The following ARHGAP15 variants were observed in gnomAD, a reference collection of about 807,000 sequenced individuals.
The protein encoded by ARHGAP15 is rho GTPase-activating protein 15.
ARHGAP15 carries 51 observed loss-of-function variants against 63.7 expected under a neutral mutation model. The observed-to-expected ratio is 0.80, with a 90% confidence interval of 0.64 to 1.01. ARHGAP15 has a LOEUF of 1.01. ARHGAP15 is among the 50% of genes least tolerant of loss of function. The pLI is 0.00. For synonymous variants in ARHGAP15, 191 were observed against 193.8 expected (o/e 0.99, Z 0.12); for missense variants, 560 against 564.6 (o/e 0.99, Z 0.08).
chr2:143,752,067 C>T (rs547390831), intron 13 of ARHGAP15, among the ~76,000 whole-genome samples: 7 of 152,294 alleles, frequency 4.6e-5, no homozygotes, highest in South Asian at 2.1e-4. Context: ...TATGTTCTAG[C>T]GACCATCTCA....
intron 6 of ARHGAP15, among the ~76,000 whole-genome samples, chr2:143,269,016 C>T (rs1316954518): frequency 2.6e-5 from 4 of 152,034 alleles, no homozygotes; most frequent in East Asian, 1.9e-4. Context: ...TTGTTTAAAA[C>T]GCTGTGTGTT....
chr2:143,710,290 A>G (rs1325498300), intron 13 of ARHGAP15, among the ~76,000 whole-genome samples: 1 of 152,088 alleles, frequency 6.6e-6, no homozygotes, highest in East Asian at 1.9e-4. Context: ...TGTACTTCCT[A>G]TGGGCCTGAA....
intron 2 of ARHGAP15, among the ~76,000 whole-genome samples, chr2:143,159,655 C>A: frequency 6.6e-6 from 1 of 151,894 alleles, no homozygotes; most frequent in Non-Finnish European, 1.5e-5. Flanking sequence ...TATGTGAAAA[C>A]CATTGATCAG....
intron 13 of ARHGAP15, among the ~76,000 whole-genome samples, chr2:143,748,251 T>A (rs2105520859): frequency 6.6e-6 from 1 of 152,336 alleles, no homozygotes; most frequent in African/African-American, 2.4e-5. Flanking sequence ...CTGTTAATTA[T>A]GTCCAAAAAG....
At chr2:143,401,041 T>C (rs1328263176) in intron 6 of ARHGAP15, among the ~76,000 whole-genome samples, 1 of 152,036 alleles carries the variant, frequency 6.6e-6, no homozygotes, top group Admixed American at 6.6e-5. Context: ...CCATTTCTCA[T>C]GTCATATAAT....
chr2:143,404,842 C>T (rs971143084), intron 6 of ARHGAP15, among the ~76,000 whole-genome samples: 1 of 151,846 alleles, frequency 6.6e-6, no homozygotes. Context: ...TAACGGGACT[C>T]GTGATCATGC....
chr2:143,249,006 T>A (rs561936434), intron 5 of ARHGAP15, among the ~76,000 whole-genome samples: 80 of 152,284 alleles, frequency 5.3e-4, no homozygotes, highest in African/African-American at 1.9e-3. Context: ...ATAAGAAGCA[T>A]GTTGTTGTTA....
At chr2:143,370,727 G>A (rs1322813343) in intron 6 of ARHGAP15, among the ~76,000 whole-genome samples, 2 of 152,078 alleles carry the variant, frequency 1.3e-5, no homozygotes, top group African/African-American at 4.8e-5. Flanking sequence ...TGTTCTATGT[G>A]GACTAGTATA....
At chr2:143,279,544 T>C (rs1041070614) in intron 6 of ARHGAP15, among the ~76,000 whole-genome samples, 65 of 152,170 alleles carry the variant, frequency 4.3e-4, no homozygotes, top group South Asian at 2.1e-4. Flanking sequence ...GATAGTAAAA[T>C]CTTGAATCTC....
intron 12 of ARHGAP15, among the ~76,000 whole-genome samples, chr2:143,655,892 A>G (rs548458754): frequency 5.7e-4 from 86 of 152,110 alleles, no homozygotes; most frequent in African/African-American, 2.0e-3. Flanking sequence ...TCCATTTTCC[A>G]GATTTATGTC....
chr2:143,143,509 AT>A (rs916579263), intron 1 of ARHGAP15, among the ~76,000 whole-genome samples: 4 of 146,748 alleles, frequency 2.7e-5, no homozygotes, highest in Admixed American at 1.4e-4. Context: ...AATTTTGTGG[AT>A]TTTTTTTTCT....
chr2:143,588,177 G>C (rs1457581598), intron 11 of ARHGAP15, among the ~76,000 whole-genome samples: 2 of 152,160 alleles, frequency 1.3e-5, no homozygotes, highest in Admixed American at 6.6e-5. Flanking sequence ...GGCACCTGCT[G>C]TCTACCCCTC....
At chr2:143,426,865 A>G (rs961538407) in intron 6 of ARHGAP15, among the ~76,000 whole-genome samples, 1 of 152,180 alleles carries the variant, frequency 6.6e-6, no homozygotes, top group East Asian at 1.9e-4. Context: ...CTGAATGTAA[A>G]ATTATGAAAT....
intron 6 of ARHGAP15, among the ~76,000 whole-genome samples, chr2:143,279,670 T>A (rs1681746051): frequency 6.6e-6 from 1 of 152,200 alleles, no homozygotes; most frequent in Non-Finnish European, 1.5e-5. Context: ...TATAGTTAAG[T>A]GTACACAATT....
intron 6 of ARHGAP15, among the ~76,000 whole-genome samples, chr2:143,253,971 A>G (rs1418516636): frequency 1.3e-5 from 2 of 152,082 alleles, no homozygotes; most frequent in Admixed American, 6.6e-5. Flanking sequence ...ATTGTCAAGG[A>G]CTGTCACAAG....
intron 2 of ARHGAP15, among the ~76,000 whole-genome samples, chr2:143,196,539 A>C (rs1691892158): frequency 6.6e-6 from 1 of 152,042 alleles, no homozygotes; most frequent in Non-Finnish European, 1.5e-5. Context: ...TAATTATGCC[A>C]CCTTGAATGA....
chr2:143,603,185 A>T (rs1697846265), intron 11 of ARHGAP15, among the ~76,000 whole-genome samples: 1 of 152,172 alleles, frequency 6.6e-6, no homozygotes, highest in African/African-American at 2.4e-5. Context: ...GACCTCCTTG[A>T]GTCATGTGAA....
At chr2:143,756,240 A>G (rs1686572017) in intron 13 of ARHGAP15, among the ~76,000 whole-genome samples, 1 of 152,220 alleles carries the variant, frequency 6.6e-6, no homozygotes. Context: ...ATGTTTATCT[A>G]ACGTCACAAG....
At chr2:143,298,513 CTAA>C (rs1682751605) in intron 6 of ARHGAP15, among the ~76,000 whole-genome samples, 1 of 151,950 alleles carries the variant, frequency 6.6e-6, no homozygotes, top group South Asian at 2.1e-4. Context: ...AAGAAAATTC[CTAA>C]TAATTATTTT....
Sources: allele counts gnomAD v4.1 joint callset (sites outside exome capture counted in the v4.1 genomes callset), GRCh38; gene constraint gnomAD v4.1.1; transcripts MANE v1.5; gene names NCBI Gene and HGNC (gene_info 2026-07-23, HGNC 2026-07-21).